HS6ST2: variants seen among roughly 807,000 people sequenced by gnomAD.
HS6ST2 encodes the protein heparan-sulfate 6-O-sulfotransferase 2.
Under a neutral mutation model 33.0 loss-of-function variants are expected in HS6ST2, and 17 were observed. The observed-to-expected ratio is 0.52, with a 90% CI of 0.35 to 0.77. The LOEUF is 0.77. Ranked by LOEUF, HS6ST2 falls within the 30% of genes least tolerant of loss-of-function variation. The pLI is 0.01. For missense variants in HS6ST2, 519 were observed against 551.7 expected, an observed-to-expected ratio of 0.94 and a Z score of 0.59; for synonymous variants, 248 against 237.1, an observed-to-expected ratio of 1.05 and a Z score of -0.42.
At chrX:132,681,675 C>G in intron 3 of HS6ST2, among the ~76,000 whole-genome samples, 1 of 112,156 alleles carries the variant, frequency 8.9e-6, no homozygotes, top group Non-Finnish European at 1.9e-5. Context: ...CCACGACCCA[C>G]TTGATGAACA....
chrX:132,892,647 C>G (rs900198008), intron 2 of HS6ST2, among the ~76,000 whole-genome samples: 2 of 111,506 alleles, frequency 1.8e-5, no homozygotes, highest in Admixed American at 1.9e-4. Context: ...GGTGAAACCC[C>G]GTCTCTACTA....
chrX:132,639,501 G>A (rs181565145), intron 4 of HS6ST2, among the ~76,000 whole-genome samples: 1 of 111,542 alleles, frequency 9.0e-6, no homozygotes, highest in African/African-American at 3.3e-5. Flanking sequence ...TAGGGGACTG[G>A]GGTCCCATGA....
intron 3 of HS6ST2, among the ~76,000 whole-genome samples, chrX:132,690,565 G>A (rs940990715): frequency 9.0e-6 from 1 of 111,421 alleles, no homozygotes; most frequent in Non-Finnish European, 1.9e-5. Context: ...ATCTTCTTCT[G>A]TTTTGTCTCC....
intron 2 of HS6ST2, among the ~76,000 whole-genome samples, chrX:132,726,235 A>G (rs1390817203): frequency 9.0e-6 from 1 of 111,701 alleles, no homozygotes; most frequent in Non-Finnish European, 1.9e-5. Context: ...TGATGTGATT[A>G]TTATGCATTG....
At chrX:132,819,649 G>A (rs1040718832) in intron 2 of HS6ST2, among the ~76,000 whole-genome samples, 2 of 112,021 alleles carry the variant, frequency 1.8e-5, no homozygotes, top group Middle Eastern at 4.2e-3. Flanking sequence ...AGAATTTGAG[G>A]ATTGGAAGAA....
Position 132,627,245 on chromosome X carries a change from C to T in HS6ST2, c.*978G>A, listed in dbSNP as rs41300281. On this transcript the variant is annotated 3_prime_UTR_variant, in exon 5 of 5. Transcript: ENST00000370833. The stretch of plus-strand genomic sequence containing the variant: ...TTCAAGTTTCTTGATTAGGACCTCA[C>T]TACACAAATATTGATAAAATAATTC... 281 of 112,609 alleles carry T rather than the reference C, an allele frequency of 2.5e-3. No homozygotes were observed. Among genetic ancestry groups the T allele is most frequent in the Non-Finnish European group, 4.2e-3 (221 of 53,205 alleles). The allele number at this position is 112,609 out of a possible 1,213,427, so 9.3% of individuals were successfully genotyped here.
At chrX:132,834,341 A>G (rs1333936433) in intron 2 of HS6ST2, among the ~76,000 whole-genome samples, 2 of 112,266 alleles carry the variant, frequency 1.8e-5, no homozygotes, top group African/African-American at 3.2e-5. Context: ...AGGTTAAATG[A>G]TCTGTTTGAC....
At chrX:132,758,414 C>T (rs1285677924) in intron 2 of HS6ST2, 1 of 111,870 alleles carries the variant, frequency 8.9e-6, no homozygotes, top group African/African-American at 3.2e-5. Context: ...CATATATTTC[C>T]TTCTGGAATT....
intron 2 of HS6ST2, among the ~76,000 whole-genome samples, chrX:132,796,055 GATGCTGGTAGC>G (rs762593706): frequency 1.8e-5 from 2 of 112,059 alleles, no homozygotes; most frequent in Admixed American, 1.9e-4. Context: ...GATATGAGAT[GATGCTGGTAGC>G]ATAGGGCCTG....
intron 2 of HS6ST2, among the ~76,000 whole-genome samples, chrX:132,813,240 A>T (rs913801999): frequency 8.9e-6 from 1 of 111,756 alleles, no homozygotes; most frequent in South Asian, 3.8e-4. Flanking sequence ...GACATTTTTC[A>T]GTCTATCTAA....
At chrX:132,884,921 G>A (rs776785218) in intron 2 of HS6ST2, among the ~76,000 whole-genome samples, 29 of 111,545 alleles carry the variant, frequency 2.6e-4, no homozygotes, top group Non-Finnish European at 5.3e-4. Context: ...TCTTCATGGC[G>A]TAGAAGGTAA....
chrX:132,890,545 T>C (rs1602822359), intron 2 of HS6ST2, among the ~76,000 whole-genome samples: 1 of 109,759 alleles, frequency 9.1e-6, no homozygotes, highest in East Asian at 2.9e-4. Flanking sequence ...TGTTGAATCG[T>C]CAGAATGGTT....
chrX:132,784,780 G>C (rs930991386), intron 2 of HS6ST2, among the ~76,000 whole-genome samples: 1 of 111,861 alleles, frequency 8.9e-6, no homozygotes, highest in East Asian at 2.8e-4. Flanking sequence ...TCATTTGGTC[G>C]GGCTGGCACC....
At chrX:132,915,243 C>CCTCAGGG (rs751577059) in intron 2 of HS6ST2, among the ~76,000 whole-genome samples, 62 of 112,063 alleles carry the variant, frequency 5.5e-4, no homozygotes, top group South Asian at 7.6e-4. Context: ...ATAAGGCCAT[C>CCTCAGGG]CTCAGGGCTC....
intron 2 of HS6ST2, among the ~76,000 whole-genome samples, chrX:132,709,331 G>T (rs971804587): frequency 8.9e-5 from 10 of 112,102 alleles, no homozygotes; most frequent in African/African-American, 2.9e-4. Context: ...GCCCGAAGTG[G>T]GCTATATAGC....
intron 2 of HS6ST2, among the ~76,000 whole-genome samples, chrX:132,931,472 G>A (rs1864204274): frequency 8.9e-6 from 1 of 111,796 alleles, no homozygotes; most frequent in African/African-American, 3.3e-5. Context: ...GGTGTAGCTC[G>A]CTATCAGCAA....
At chrX:132,855,710 A>G (rs1425524524) in intron 2 of HS6ST2, among the ~76,000 whole-genome samples, 3 of 111,275 alleles carry the variant, frequency 2.7e-5, no homozygotes, top group Non-Finnish European at 3.8e-5. Context: ...TTAATCCTCT[A>G]CTCCCTACAT....
intron 2 of HS6ST2, among the ~76,000 whole-genome samples, chrX:132,931,901 G>A (rs1339558351): frequency 1.8e-5 from 2 of 111,027 alleles, no homozygotes; most frequent in African/African-American, 3.3e-5. Flanking sequence ...AAATACCCCA[G>A]CAAGGCCAGG....
intron 2 of HS6ST2, among the ~76,000 whole-genome samples, chrX:132,881,922 A>G (rs1224993877): frequency 2.7e-5 from 3 of 111,571 alleles, no homozygotes; most frequent in Non-Finnish European, 3.8e-5. Context: ...TTTGTCAAAG[A>G]TCAGATGGTT....
Sources: allele counts gnomAD v4.1 joint callset (sites outside exome capture counted in the v4.1 genomes callset), GRCh38; gene constraint gnomAD v4.1.1; transcripts MANE v1.5; gene names NCBI Gene and HGNC (gene_info 2026-07-23, HGNC 2026-07-21).